The following EVI5 variants were observed in gnomAD, a reference collection of about 807,000 sequenced individuals.
EVI5 encodes the protein ecotropic viral integration site 5, also known as ecotropic viral integration site 5 protein homolog.
EVI5 carries 73 observed loss-of-function variants against 112.0 expected under a neutral mutation model. The ratio of observed to expected loss-of-function variants is 0.65; its 90% CI spans 0.54 to 0.79. EVI5 has a LOEUF of 0.79. Among genes scored for constraint, EVI5 ranks in the 30% least tolerant of loss-of-function variants. EVI5 has a pLI of 0.00. For missense variants in EVI5, 900 were observed against 968.8 expected, an observed-to-expected ratio of 0.93 and a Z score of 0.94; for synonymous variants, 305 against 319.9, an observed-to-expected ratio of 0.95 and a Z score of 0.50.
At chr1:92,770,278 T>C (rs1683184653) in intron 1 of EVI5, among the ~76,000 whole-genome samples, 1 of 152,234 alleles carries the variant, frequency 6.6e-6, no homozygotes, top group Non-Finnish European at 1.5e-5. Flanking sequence ...ATAGACACCA[T>C]ACTCCATCAG....
chr1:92,658,805 A>G (rs1371037244), intron 13 of EVI5, among the ~76,000 whole-genome samples: 1 of 152,054 alleles, frequency 6.6e-6, no homozygotes, highest in African/African-American at 2.4e-5. Flanking sequence ...AATACTGGAG[A>G]TATTGCATTA....
At chr1:92,569,350 TG>T (rs749850472) in intron 18 of EVI5, among the ~76,000 whole-genome samples, 6 of 152,208 alleles carry the variant, frequency 3.9e-5, no homozygotes, top group Non-Finnish European at 7.3e-5. Context: ...TTCTTGGATT[TG>T]TTACAAAAGT....
intron 17 of EVI5, 180 bp downstream of exon 17, chr1:92,607,401 C>A: frequency 2.3e-6 from 1 of 438,208 alleles, no homozygotes; most frequent in South Asian, 6.6e-5. Flanking sequence ...TAAAATCCAC[C>A]CCAGAAGCAA....
chr1:92,567,066 C>T (rs1337986920), intron 18 of EVI5, among the ~76,000 whole-genome samples: 1 of 152,100 alleles, frequency 6.6e-6, no homozygotes, highest in Non-Finnish European at 1.5e-5. Context: ...CCGCCTTGGC[C>T]TCCCAAAGTG....
At chr1:92,791,827 A>G (rs957089290) in intron 1 of EVI5, among the ~76,000 whole-genome samples, 1 of 152,176 alleles carries the variant, frequency 6.6e-6, no homozygotes, top group Non-Finnish European at 1.5e-5. Context: ...AGCTTTTATT[A>G]TGAACTGTGT....
chr1:92,671,982 A>T (rs1665958445), intron 10 of EVI5, among the ~76,000 whole-genome samples: 1 of 151,540 alleles, frequency 6.6e-6, no homozygotes, highest in South Asian at 2.1e-4. Context: ...GAAAAAAAAA[A>T]TTTGTGGAGA....
chr1:92,677,460 T>C (rs969882467), intron 9 of EVI5, among the ~76,000 whole-genome samples: 1 of 152,176 alleles, frequency 6.6e-6, no homozygotes, highest in Non-Finnish European at 1.5e-5. Flanking sequence ...CTGAAATGTA[T>C]AAAGCACAAA....
intron 1 of EVI5, among the ~76,000 whole-genome samples, chr1:92,758,964 G>A (rs1049378044): frequency 1.3e-5 from 2 of 152,254 alleles, no homozygotes; most frequent in Non-Finnish European, 1.5e-5. Flanking sequence ...TTAGCTGGGC[G>A]CAGTGGCTCA....
intron 10 of EVI5, among the ~76,000 whole-genome samples, chr1:92,669,266 G>C (rs898038613): frequency 1.3e-5 from 2 of 151,782 alleles, no homozygotes; most frequent in Non-Finnish European, 2.9e-5. Flanking sequence ...TGAATTTGAG[G>C]GCCAGGTACA....
In EVI5 at chr1:92,718,423, A is replaced by C. The variant is rs767852865; in HGVS notation, c.150-13679T>G. Among the ~76,000 whole-genome samples, 56 of 152,318 alleles carry C rather than the reference A, an allele frequency of 3.7e-4. 1 individual carries two copies. Among genetic ancestry groups the C allele is most frequent in the Admixed American group, 1.3e-4 (2 of 15,298 alleles). On this transcript the variant is annotated intron_variant, in intron 2 of 19. Transcript: ENST00000684568. Reference sequence around the variant, plus strand: ...ACGCACAATTATATGGAAACTGAACAACCTGCTCCTGAATGACGACTGGGT... The same window carrying C: ...ACGCACAATTATATGGAAACTGAACCACCTGCTCCTGAATGACGACTGGGT...
intron 18 of EVI5, among the ~76,000 whole-genome samples, chr1:92,584,810 T>C (rs982713364): frequency 6.6e-6 from 1 of 152,136 alleles, no homozygotes; most frequent in African/African-American, 2.4e-5. Context: ...CTGAAAAATA[T>C]ATAAGGGATA....
Position 92,662,874 on chromosome 1 carries a change from A to G in EVI5, c.1246-9T>C, listed in dbSNP as rs1475739506. 2 of 1,274,060 alleles carry G rather than the reference A, an allele frequency of 1.6e-6. No individual in the cohort carries two copies. The highest frequency in any genetic ancestry group is 2.5e-5 in the Admixed American group (1 of 39,696). The allele number at this position is 1,274,060 out of a possible 1,614,324, so 78.9% of individuals were successfully genotyped here. A position where few individuals can be genotyped will look rare whatever the true frequency, so the allele number is the denominator to read the frequency against. ...GCTCTTGTCACTTGTCCCTTAGGAC[A>G]TAATTTTTGTGTGTGTAAAGCAATT... is the stretch of plus-strand genomic sequence containing the variant. On this transcript the variant is annotated splice_polypyrimidine_tract_variant and intron_variant, in intron 12 of 19. Transcript: ENST00000684568.
chr1:92,785,194 G>C (rs933327151), upstream of EVI5: 1 of 798,202 alleles, frequency 1.3e-6, no homozygotes, highest in Non-Finnish European at 1.5e-6. Context: ...CGGGCGGGCC[G>C]GCCGAGAAAA....
At chr1:92,712,956 T>G (rs1198224117) in intron 2 of EVI5, among the ~76,000 whole-genome samples, 1 of 151,018 alleles carries the variant, frequency 6.6e-6, no homozygotes, top group Non-Finnish European at 1.5e-5. Flanking sequence ...ATATAAGATA[T>G]ATATATTAAG....
chr1:92,627,807 T>G (rs76449005), intron 14 of EVI5, among the ~76,000 whole-genome samples: 3 of 152,260 alleles, frequency 2.0e-5, no homozygotes, highest in Non-Finnish European at 4.4e-5. Flanking sequence ...TTTTTTTTTT[T>G]GAAACGGAGT....
chr1:92,712,643 G>C (rs1673019625), intron 2 of EVI5, among the ~76,000 whole-genome samples: 1 of 151,866 alleles, frequency 6.6e-6, no homozygotes, highest in Non-Finnish European at 1.5e-5. Flanking sequence ...TAAGAACAAA[G>C]ACTTCAAATG....
intron 2 of EVI5, among the ~76,000 whole-genome samples, chr1:92,716,764 G>A (rs984913438): frequency 6.6e-6 from 1 of 151,630 alleles, no homozygotes; most frequent in African/African-American, 2.4e-5. Flanking sequence ...AAACAGTGTA[G>A]AGAAGACCTT....
chr1:92,692,948 TTTAA>T (rs1669729914), intron 9 of EVI5, among the ~76,000 whole-genome samples: 1 of 152,204 alleles, frequency 6.6e-6, no homozygotes, highest in Non-Finnish European at 1.5e-5. Flanking sequence ...CAGCTATTAT[TTTAA>T]TTAATACACT....
Position 92,743,268 on chromosome 1 carries a change from G to A in EVI5, c.-81-6641C>T, listed in dbSNP as rs971557155. On this transcript the variant is annotated intron_variant, in intron 1 of 19. Coordinates refer to ENST00000684568, the MANE Select transcript of EVI5 (RefSeq NM_001350197.2). ...CTTGGGAGGTTGAGGCAAGAGAATC[G>A]CTTGAACCCAGGAGGCGGAGGTTGC... is the stretch of plus-strand genomic sequence containing the variant. Among the ~76,000 whole-genome samples, 15 of 152,158 alleles carry A rather than the reference G, an allele frequency of 9.9e-5. 1 individual carries two copies. Among genetic ancestry groups the A allele is most frequent in the Admixed American group, 3.9e-4 (6 of 15,268 alleles).
Sources: allele counts gnomAD v4.1 joint callset (sites outside exome capture counted in the v4.1 genomes callset), GRCh38; gene constraint gnomAD v4.1.1; transcripts MANE v1.5; gene names NCBI Gene and HGNC (gene_info 2026-07-23, HGNC 2026-07-21).